The following CDH18 variants were observed in gnomAD, a reference collection of about 807,000 sequenced individuals.
CDH18 encodes cadherin-18.
CDH18 carries 31 observed loss-of-function variants against 67.9 expected under a neutral mutation model. The ratio of observed to expected loss-of-function variants is 0.46; its 90% CI spans 0.34 to 0.62. The LOEUF (loss-of-function observed/expected upper bound fraction) is 0.62. Ranked by LOEUF, CDH18 falls within the 20% of genes least tolerant of loss-of-function variation. CDH18 has a pLI of 0.01. For synonymous variants in CDH18, 362 were observed against 347.2 expected, an observed-to-expected ratio of 1.04 and a Z score of -0.48; for missense variants, 890 against 975.5, an observed-to-expected ratio of 0.91 and a Z score of 1.17.
At chr5:19,597,002 TATG>T (rs967334204) in intron 6 of CDH18, among the ~76,000 whole-genome samples, 1 of 152,192 alleles carries the variant, frequency 6.6e-6, no homozygotes, top group Non-Finnish European at 1.5e-5. Flanking sequence ...GTGGCTCACT[TATG>T]ATGGAGTTCA....
intron 6 of CDH18, among the ~76,000 whole-genome samples, chr5:19,601,987 C>T (rs1747213835): frequency 1.3e-5 from 2 of 152,058 alleles, no homozygotes; most frequent in South Asian, 4.1e-4. Flanking sequence ...AACCCCACAA[C>T]TAATATCACT....
intron 3 of CDH18, among the ~76,000 whole-genome samples, chr5:19,757,450 C>T (rs533158695): frequency 1.2e-3 from 184 of 152,230 alleles, no homozygotes; most frequent in African/African-American, 4.1e-3. Context: ...GGTGAGTGGA[C>T]GTCCATGTTG....
rs558092604 is a variant in CDH18, at chr5:19,887,892, G to C, written c.-256-48650C>G. ...CCAGGGTCTTACTTTTGTATATGGTGTGAGACAAAGGTCATGGTTCAATTT... is the reference window on the plus strand; with the variant it reads ...CCAGGGTCTTACTTTTGTATATGGTCTGAGACAAAGGTCATGGTTCAATTT... On this transcript the variant is annotated intron_variant, in intron 2 of 12. Transcript: ENST00000382275. 2.0e-5 allele frequency among the ~76,000 whole-genome samples: 3 copies of C among 152,114 alleles called. No individual in the cohort carries two copies. The South Asian group carries it at 6.2e-4, about 32-fold the overall frequency.
At chr5:19,994,240 CACACATAT>C (rs1281642555) in intron 2 of CDH18, among the ~76,000 whole-genome samples, 1 of 151,030 alleles carries the variant, frequency 6.6e-6, no homozygotes, top group African/African-American at 2.4e-5. Flanking sequence ...TGTATATACA[CACACATAT>C]ACACATATAT....
At chr5:19,862,455 C>T (rs902039652) in intron 2 of CDH18, among the ~76,000 whole-genome samples, 4 of 152,168 alleles carry the variant, frequency 2.6e-5, no homozygotes, top group Admixed American at 2.6e-4. Flanking sequence ...TTAGTACAAA[C>T]ATACGATTCA....
intron 1 of CDH18, among the ~76,000 whole-genome samples, chr5:20,442,633 CA>C (rs1258575773): frequency 2.6e-5 from 4 of 151,904 alleles, no homozygotes; most frequent in Non-Finnish European, 4.4e-5. Flanking sequence ...AGGAGGAAAG[CA>C]AAGCAAAACA....
At chr5:20,241,876 T>TAA (rs1742940072) in intron 2 of CDH18, among the ~76,000 whole-genome samples, 2 of 84,750 alleles carry the variant, frequency 2.4e-5, no homozygotes, top group African/African-American at 6.9e-5. Context: ...TAAAATAAAA[T>TAA]AAAATATATA....
chr5:19,770,343 G>C (rs1773591583), intron 3 of CDH18, among the ~76,000 whole-genome samples: 1 of 151,848 alleles, frequency 6.6e-6, no homozygotes, highest in Non-Finnish European at 1.5e-5. Context: ...CAGATTAACA[G>C]TACTTGATTT....
intron 5 of CDH18, among the ~76,000 whole-genome samples, chr5:19,612,983 TA>T (rs113116378): frequency 1.1e-3 from 152 of 143,542 alleles, no homozygotes; most frequent in Admixed American, 1.5e-3. Context: ...TACTAAAAAT[TA>T]AAAAAAAAAA....
chr5:20,333,738 A>G (rs73056771), intron 1 of CDH18, among the ~76,000 whole-genome samples: 8,173 of 152,110 alleles, frequency 0.054, 693 homozygotes, highest in African/African-American at 0.18. Flanking sequence ...TTATGCAGCA[A>G]TTTGTACACC....
chr5:19,741,511 T>C (rs1350272534), intron 4 of CDH18, among the ~76,000 whole-genome samples: 1 of 151,920 alleles, frequency 6.6e-6, no homozygotes, highest in Non-Finnish European at 1.5e-5. Flanking sequence ...TGGGTGCAAA[T>C]AACTTCATTT....
At chr5:20,024,891 A>G (rs1738759229) in intron 2 of CDH18, among the ~76,000 whole-genome samples, 1 of 152,148 alleles carries the variant, frequency 6.6e-6, no homozygotes, top group African/African-American at 2.4e-5. Flanking sequence ...TGAATACTGA[A>G]AGGAGCTAAT....
intron 3 of CDH18, among the ~76,000 whole-genome samples, chr5:19,792,144 G>GT (rs1392746303): frequency 2.6e-5 from 4 of 152,002 alleles, no homozygotes; most frequent in Non-Finnish European, 5.9e-5. Context: ...CTATGAGAAT[G>GT]TTTTTTTGAA....
chr5:19,499,838 C>A (rs933899930), intron 11 of CDH18, among the ~76,000 whole-genome samples: 1 of 151,932 alleles, frequency 6.6e-6, no homozygotes, highest in Non-Finnish European at 1.5e-5. Flanking sequence ...TTTCTGTGCC[C>A]TTGCTTTTTG....
intron 3 of CDH18, among the ~76,000 whole-genome samples, chr5:19,799,206 C>T (rs943969405): frequency 3.9e-5 from 6 of 152,032 alleles, no homozygotes; most frequent in African/African-American, 1.4e-4. Context: ...TATTCAGTCT[C>T]ACACAAGCAT....
At chr5:19,776,513 AAG>A (rs1475343054) in intron 3 of CDH18, among the ~76,000 whole-genome samples, 9 of 152,180 alleles carry the variant, frequency 5.9e-5, no homozygotes, top group South Asian at 2.1e-4. Flanking sequence ...GAGGAAGTAA[AAG>A]AGGAGAAAAT....
intron 5 of CDH18, among the ~76,000 whole-genome samples, chr5:19,666,155 A>T: frequency 6.6e-6 from 1 of 151,392 alleles, no homozygotes; most frequent in Non-Finnish European, 1.5e-5. Flanking sequence ...CTACAGCCTC[A>T]GCCTCTGGGG....
chr5:19,703,163 T>A (rs1452384209), intron 5 of CDH18, among the ~76,000 whole-genome samples: 1 of 151,982 alleles, frequency 6.6e-6, no homozygotes, highest in Non-Finnish European at 1.5e-5. Context: ...TCCGCTGGGG[T>A]AGGGTCTCCA....
chr5:19,844,822 T>C (rs1411205038), intron 2 of CDH18, among the ~76,000 whole-genome samples: 2 of 152,212 alleles, frequency 1.3e-5, no homozygotes, highest in Non-Finnish European at 2.9e-5. Context: ...GTACTTGATA[T>C]AATTTCTAGC....
Sources: allele counts gnomAD v4.1 joint callset (sites outside exome capture counted in the v4.1 genomes callset), GRCh38; gene constraint gnomAD v4.1.1; transcripts MANE v1.5; gene names NCBI Gene and HGNC (gene_info 2026-07-23, HGNC 2026-07-21).